Variants in ANKS1B observed in about 807,000 individuals in gnomAD.
ANKS1B encodes ankyrin repeat and sterile alpha motif domain-containing protein 1B.
A neutral mutation model predicts 148.3 loss-of-function variants in ANKS1B; 36 were observed. That is an observed-to-expected ratio of 0.24 (90% CI 0.19 to 0.32). The LOEUF is 0.32. ANKS1B is among the 10% of genes least tolerant of loss of function. ANKS1B has a pLI of 1.00. For synonymous variants in ANKS1B, 542 were observed against 560.8 expected, an observed-to-expected ratio of 0.97 and a Z score of 0.47; for missense variants, 1,157 against 1,542.6, an observed-to-expected ratio of 0.75 and a Z score of 4.19.
At position 99,093,181 on chromosome 12, in the gene ANKS1B, C is replaced by A. The variant is rs1239038581; in HGVS notation, c.2527-8158G>T. Among the ~76,000 whole-genome samples the A allele has an allele frequency of 1.3e-5, 2 of 152,176 alleles. 1 individual carries two copies. The highest frequency in any genetic ancestry group is 1.3e-4 in the Admixed American group (2 of 15,278). ...ATTTACAGACCATAGGGAGTGACTG[C>A]CAGAGTTTCTCCAACACATTGAATT... On this transcript the variant is annotated intron_variant, in intron 15 of 26. Coordinates refer to ENST00000683438, the MANE Select transcript of ANKS1B (RefSeq NM_001352186.2).
At chr12:99,172,886 A>G (rs1459200327) in intron 14 of ANKS1B, among the ~76,000 whole-genome samples, 3 of 152,170 alleles carry the variant, frequency 2.0e-5, no homozygotes, top group Non-Finnish European at 4.4e-5. Context: ...TATAACAATA[A>G]ATATTGACTA....
rs559606262 is a variant in ANKS1B, at chr12:99,701,962, C to T, written c.1129-46752G>A. 1.2e-4 allele frequency among the ~76,000 whole-genome samples: 18 copies of T among 152,262 alleles called. No homozygotes were observed. In the South Asian group the frequency reaches 3.7e-3, roughly 32 times the overall value. On this transcript the variant is annotated intron_variant, in intron 8 of 26. Coordinates refer to ENST00000683438, the MANE Select transcript of ANKS1B (RefSeq NM_001352186.2). The stretch of plus-strand genomic sequence containing the variant: ...CTGTTGATGGACACTTAGGTTGCTT[C>T]CAAATCTTGGCTATTATGAATAGTG...
intron 11 of ANKS1B, among the ~76,000 whole-genome samples, chr12:99,417,579 A>T (rs1302311556): frequency 6.6e-6 from 1 of 152,160 alleles, no homozygotes; most frequent in Non-Finnish European, 1.5e-5. Context: ...TATATTTACA[A>T]AAAAGTGTTG....
intron 24 of ANKS1B, among the ~76,000 whole-genome samples, chr12:98,778,004 C>A (rs149978270): frequency 6.6e-6 from 1 of 152,278 alleles, no homozygotes; most frequent in African/African-American, 2.4e-5. Context: ...AAGTTTTAGT[C>A]GTTCTTCACG....
chr12:99,112,770 C>T (rs913259767), intron 15 of ANKS1B, among the ~76,000 whole-genome samples: 1 of 152,206 alleles, frequency 6.6e-6, no homozygotes, highest in Admixed American at 6.5e-5. Context: ...ATGGATATAT[C>T]ATGGGCAATT....
At chr12:99,043,659 T>A (rs952431970) in intron 17 of ANKS1B, among the ~76,000 whole-genome samples, 4 of 152,350 alleles carry the variant, frequency 2.6e-5, no homozygotes, top group Admixed American at 1.3e-4. Flanking sequence ...TTTACAAAAA[T>A]AGGTAAACTA....
chr12:99,390,771 GTACC>G (rs1211790198), intron 12 of ANKS1B, among the ~76,000 whole-genome samples: 13 of 152,180 alleles, frequency 8.5e-5, no homozygotes, highest in Admixed American at 7.2e-4. Context: ...AGACCCAGAG[GTACC>G]TGGAGCCTCC....
chr12:99,958,461 C>G (rs951348493), intron 1 of ANKS1B, among the ~76,000 whole-genome samples: 28 of 152,190 alleles, frequency 1.8e-4, no homozygotes, highest in Admixed American at 3.9e-4. Context: ...CAGCTCACTA[C>G]AGCCTCAACC....
intron 9 of ANKS1B, among the ~76,000 whole-genome samples, chr12:99,630,284 A>G (rs1287341372): frequency 3.3e-5 from 5 of 152,234 alleles, no homozygotes; most frequent in Non-Finnish European, 7.3e-5. Context: ...TTCATTCTCT[A>G]ATAAAGCACT....
intron 11 of ANKS1B, among the ~76,000 whole-genome samples, chr12:99,415,100 G>C (rs150585795): frequency 5.9e-5 from 9 of 152,122 alleles, no homozygotes; most frequent in African/African-American, 1.9e-4. Context: ...ACTCAATGTA[G>C]ATATTAAAGA....
At chr12:98,992,888 T>A (rs1598157957) in intron 17 of ANKS1B, among the ~76,000 whole-genome samples, 1 of 152,208 alleles carries the variant, frequency 6.6e-6, no homozygotes, top group East Asian at 1.9e-4. Context: ...GATGCCTGTC[T>A]TGTTCTCATC....
intron 17 of ANKS1B, among the ~76,000 whole-genome samples, chr12:98,903,328 C>A (rs2099774713): frequency 6.6e-6 from 1 of 152,238 alleles, no homozygotes; most frequent in Admixed American, 6.5e-5. Flanking sequence ...CTTAAAAGAG[C>A]TGGCCATGGA....
chr12:99,428,971 A>T (rs954336507), intron 11 of ANKS1B, among the ~76,000 whole-genome samples: 1 of 152,198 alleles, frequency 6.6e-6, no homozygotes, highest in East Asian at 1.9e-4. Flanking sequence ...AATAATTCAA[A>T]TATCAAAACC....
chr12:98,834,949 G>T (rs1470858383), intron 17 of ANKS1B, among the ~76,000 whole-genome samples: 5 of 151,904 alleles, frequency 3.3e-5, no homozygotes, highest in Non-Finnish European at 4.4e-5. Flanking sequence ...CAATTCCTTT[G>T]CCAAAGGCTT....
At chr12:98,768,583 A>C (rs2098520014) in intron 25 of ANKS1B, among the ~76,000 whole-genome samples, 1 of 151,760 alleles carries the variant, frequency 6.6e-6, no homozygotes, top group African/African-American at 2.4e-5. Context: ...AAATACAAAA[A>C]ATTAGCCGGG....
chr12:99,075,376 T>C (rs2047521939), intron 16 of ANKS1B, among the ~76,000 whole-genome samples: 1 of 152,208 alleles, frequency 6.6e-6, no homozygotes. Flanking sequence ...CCTGAATTAC[T>C]GGTTGGAGGA....
intron 1 of ANKS1B, among the ~76,000 whole-genome samples, chr12:99,872,757 C>T (rs114327442): frequency 0.012 from 1,787 of 152,202 alleles, 41 homozygotes; most frequent in African/African-American, 0.04. Flanking sequence ...CAAAAATATT[C>T]AGTAAATGTT....
At position 99,122,993 on chromosome 12, in the gene ANKS1B, A is replaced by ATATATATATATATATAT. The variant is rs57985878; in HGVS notation, c.2526+31295_2526+31296insATATATATATATATATA. 4.8e-4 allele frequency among the ~76,000 whole-genome samples: 66 copies of ATATATATATATATATAT among 138,178 alleles called. 2 individuals are homozygous for ATATATATATATATATAT. Among genetic ancestry groups the ATATATATATATATATAT allele is most frequent in the African/African-American group, 1.4e-3 (51 of 35,600 alleles). The allele number at this position is 138,178 out of a possible 152,430, so 90.7% of individuals were successfully genotyped here. A position where few individuals can be genotyped will look rare whatever the true frequency, so the allele number is the denominator to read the frequency against. ...TAGAAATAAATCAGTAAAATTAAAA[A>ATATATATATATATATAT]AAAAATATATATATATATATAAACA... On this transcript the variant is annotated intron_variant, in intron 15 of 26. Coordinates refer to ENST00000683438, the MANE Select transcript of ANKS1B (RefSeq NM_001352186.2).
At chr12:98,999,735 AGGTTGGTGCTTTCCAGCC>A (rs2099931829) in intron 17 of ANKS1B, among the ~76,000 whole-genome samples, 1 of 152,172 alleles carries the variant, frequency 6.6e-6, no homozygotes, top group South Asian at 2.1e-4. Context: ...TCGGGCTACA[AGGTTGGTGCTTTCCAGCC>A]GGCACCGCGT....
Sources: gnomAD v4.1 joint callset for allele counts (sites outside exome capture counted in the v4.1 genomes callset) on GRCh38, gnomAD v4.1.1 for gene constraint, MANE v1.5 for transcripts, NCBI Gene and HGNC (gene_info 2026-07-23, HGNC 2026-07-21) for gene names.